TAT: variants seen among roughly 807,000 people sequenced by gnomAD.
The protein encoded by TAT is tyrosine aminotransferase.
In TAT, 35 loss-of-function variants were observed where a neutral mutation model predicts 53.6. The observed-to-expected ratio is 0.65, with a 90% CI of 0.50 to 0.87. The LOEUF is 0.87. TAT is among the 40% of genes least tolerant of loss of function. The probability of loss-of-function intolerance (pLI) is 0.00; values close to 1 mark genes in which losing one functional copy is unlikely to be tolerated. For missense variants in TAT, 525 were observed against 571.8 expected (o/e 0.92, Z 0.83); for synonymous variants, 197 against 206.5 (o/e 0.95, Z 0.39).
chr16:71,573,441 C>G, intron 4 of TAT, 98 bp downstream of exon 4: 1 of 1,129,082 alleles, frequency 8.9e-7, no homozygotes, highest in Non-Finnish European at 1.3e-6. Context: ...CTCAGCTTTT[C>G]CCCCTCTGAC....
Position 71,576,172 on chromosome 16 carries a change from C to A in TAT, c.235+9G>T. 2 of 1,613,448 alleles carry A rather than the reference C, an allele frequency of 1.2e-6. No homozygotes were observed. The highest frequency in any genetic ancestry group is 8.5e-7 in the Non-Finnish European group (1 of 1,179,638). On this transcript the variant is annotated intron_variant, in intron 2 of 11. Transcript: ENST00000355962. ...CAATGACAGCCCCTCAGTAGTGTCCCCAACTCACCAATGGACAGGGAAATC... is the reference window on the plus strand; with the variant it reads ...CAATGACAGCCCCTCAGTAGTGTCCACAACTCACCAATGGACAGGGAAATC...
At chr16:71,570,177 G>C (rs1050078856) in intron 9 of TAT, 92 bp downstream of exon 9, 6 of 1,589,516 alleles carry the variant, frequency 3.8e-6, no homozygotes, top group Non-Finnish European at 5.2e-6. Context: ...TTGGAACATG[G>C]CTCCAGAAAG....
intron 3 of TAT, among the ~76,000 whole-genome samples, chr16:71,574,323 G>A (rs2044222761): frequency 6.6e-6 from 1 of 152,116 alleles, no homozygotes; most frequent in African/African-American, 2.4e-5. Flanking sequence ...GCTCACGCCT[G>A]TAATCCCAGC....
At chr16:71,575,042 G>A (rs188416373) in intron 3 of TAT, 13 of 152,226 alleles carry the variant, frequency 8.5e-5, no homozygotes, top group Admixed American at 7.8e-4. Flanking sequence ...CTAATATTTG[G>A]ATGTTAAAGT....
In TAT at chr16:71,571,961, A is replaced by G. The variant is rs538722252; in HGVS notation, c.706+225T>C. On this transcript the variant is annotated intron_variant, in intron 6 of 11. Coordinates refer to ENST00000355962, the MANE Select transcript of TAT (RefSeq NM_000353.3). ...TGGGAGTGATGAAGAGGCAAGTACT[A>G]TTTCTTTTTCTCCTGGGAGTGATGA... The G allele has an allele frequency of 1.1e-5, 7 of 639,766 alleles. No homozygotes were observed. The East Asian group carries it at 1.9e-4, about 17-fold the overall frequency. 39.6% of individuals were successfully genotyped at this position (639,766 alleles called of 1,614,324 possible).
Position 71,568,066 on chromosome 16 carries a change from C to G in TAT, c.*78G>C, listed in dbSNP as rs546316374. 2 of 1,591,334 alleles carry G rather than the reference C, an allele frequency of 1.3e-6. No homozygotes were observed. The highest frequency in any genetic ancestry group is 3.3e-5 in the Admixed American group (2 of 59,968). ...TGAGGCCCCTCTCCCAGTAGGGCCA[C>G]CTGAGTCCCTGAGGAGCCGCAAGGC... On this transcript the variant is annotated 3_prime_UTR_variant, in exon 12 of 12. Coordinates refer to ENST00000355962, the MANE Select transcript of TAT (RefSeq NM_000353.3).
intron 8 of TAT, 75 bp downstream of exon 8, chr16:71,570,604 C>T: frequency 1.2e-6 from 2 of 1,604,682 alleles, no homozygotes; most frequent in South Asian, 1.1e-5. Flanking sequence ...AAGAAAAAAG[C>T]CTCCCTTGTC....
chr16:71,570,527 T>G (rs1317324604), intron 8 of TAT, 130 bp from the exon 9 acceptor site: 1 of 1,575,158 alleles, frequency 6.3e-7, no homozygotes. Context: ...CATTCTTAGA[T>G]CAGACCCTCT....
chr16:71,573,668 C>T (rs2044218426), intron 3 of TAT, 62 bp from the exon 4 acceptor site: 1 of 1,445,646 alleles, frequency 6.9e-7, no homozygotes, highest in South Asian at 1.2e-5. Context: ...CTCACTCTGT[C>T]ACCCGGACTT....
At chr16:71,573,417 A>G (rs2044216595) in intron 4 of TAT, 122 bp downstream of exon 4, 1 of 900,642 alleles carries the variant, frequency 1.1e-6, no homozygotes, top group Non-Finnish European at 1.8e-6. Flanking sequence ...TCTAATTGCT[A>G]AAGGGAAATT....
Position 71,568,789 on chromosome 16 carries a change from A to G in TAT, c.1146T>C (p.His382=), listed in dbSNP as rs141534499. 2.0e-5 allele frequency: 32 copies of G among 1,613,834 alleles called. No individual in the cohort carries two copies. The highest frequency in any genetic ancestry group is 2.1e-5 in the Non-Finnish European group (25 of 1,179,972). ...MYLMVGIEME[H]FPEFENDVEF... ...CCACATCGTTCTCAAATTCTGGGAA[A>G]TGTTCCATCTCAATTCCAACCTATA... Residue 382 remains histidine, a synonymous_variant, in exon 11 of 12, where the codon CAT becomes CAC. Coordinates refer to ENST00000355962, the MANE Select transcript of TAT (RefSeq NM_000353.3).
At chr16:71,572,130 C>G in intron 6 of TAT, 56 bp downstream of exon 6, 1 of 1,612,776 alleles carries the variant, frequency 6.2e-7, no homozygotes, top group Non-Finnish European at 8.5e-7. Context: ...TCATTTCACA[C>G]AACAGCTGAA....
chr16:71,568,609 C>T (rs2044179957), intron 11 of TAT, 102 bp downstream of exon 11: 1 of 924,436 alleles, frequency 1.1e-6, no homozygotes, highest in Non-Finnish European at 1.7e-6. Flanking sequence ...AATGAGAAGA[C>T]ATTTTGTTGG....
rs2044205082 is a variant in TAT at position 71,571,787 on chromosome 16, A to T, written c.707-129T>A. The T allele has an allele frequency of 4.2e-6, 4 of 942,094 alleles. No individual in the cohort carries two copies. The East Asian group carries it at 1.0e-4, about 24-fold the overall frequency. The allele number at this position is 942,094 out of a possible 1,614,324, so 58.4% of individuals were successfully genotyped here. ...ACAATTCTTAAAGAGAAAGACAAAA[A>T]GCACAAGCAAAGTGTGATTTGCATT... On this transcript the variant is annotated intron_variant, in intron 6 of 11. Transcript: ENST00000355962.
chr16:71,570,371 A>G lies in TAT; in HGVS notation c.939T>C (p.Ser313=). The change falls in exon 9 of 12, where the codon AGT becomes AGC. Residue 313 remains serine, a synonymous_variant. Coordinates refer to ENST00000355962, the MANE Select transcript of TAT (RefSeq NM_000353.3). The stretch of plus-strand genomic sequence containing the variant: ...TGGTACAGGGTCCCAAAATGCGCTG[A>G]CTCAGCTTCACCAGCCCATCTCGGA... ...NEIRDGLVKL[S]QRILGPCTIV... The G allele has an allele frequency of 6.2e-7, 1 of 1,614,028 alleles. No homozygotes were observed.
Position 71,568,271 on chromosome 16 carries a change from G to C in TAT, c.1238C>G (p.Pro413Arg). 1 of 1,614,084 alleles carries C rather than the reference G, an allele frequency of 6.2e-7. No individual in the cohort carries two copies. Among genetic ancestry groups the C allele is most frequent in the Non-Finnish European group, 8.5e-7 (1 of 1,180,022 alleles). Reference protein sequence around the residue: ...HCLPATCFEYPNFIRVVITVP... With the variant: ...HCLPATCFEYRNFIRVVITVP... ...TGTGATGACCACTCGGATGAAATTC[G>C]GGTACTCAAAGCACTGCAAAAAGAA... The change falls in exon 12 of 12, where the codon CCG (proline) becomes CGG (arginine). Residue 413 changes from proline to arginine, a missense_variant. Coordinates refer to ENST00000355962, the MANE Select transcript of TAT (RefSeq NM_000353.3).
Position 71,570,812 on chromosome 16 carries a change from T to C in TAT, c.779A>G (p.Tyr260Cys). 1 of 1,614,182 alleles carries C rather than the reference T, an allele frequency of 6.2e-7. No individual in the cohort carries two copies. The highest frequency in any genetic ancestry group is 8.5e-7 in the Non-Finnish European group (1 of 1,180,040). ...YGDMVFSDCK[Y>C]EPLATLSTDV... is the part of the protein sequence containing the mutation. ...GGTGCTGAGGGTGGCCAGTGGTTCA[T>C]ATTTGCAATCCGAAAACACCTGAGA... is the stretch of plus-strand genomic sequence containing the variant. The change falls in exon 8 of 12, where the codon TAT becomes TGT. Residue 260 changes from tyrosine (Y) to cysteine (C), a missense_variant. Physicochemically the swap from Tyr to Cys is radical, Grantham distance 194 (BLOSUM62 -2). Transcript: ENST00000355962.
At chr16:71,573,886 G>A (rs746818408) in intron 3 of TAT, among the ~76,000 whole-genome samples, 12 of 151,882 alleles carry the variant, frequency 7.9e-5, no homozygotes, top group Non-Finnish European at 1.8e-4. Flanking sequence ...TCCCTCTGTT[G>A]CCCAGGCTGA....
chr16:71,572,941 G>A (rs2044213160), intron 4 of TAT, among the ~76,000 whole-genome samples: 1 of 152,218 alleles, frequency 6.6e-6, no homozygotes, highest in African/African-American at 2.4e-5. Flanking sequence ...AGAGCATGCT[G>A]GCCTTGGACC....
Sources: allele counts gnomAD v4.1 joint callset (sites outside exome capture counted in the v4.1 genomes callset), GRCh38; gene constraint gnomAD v4.1.1; transcripts MANE v1.5; gene names NCBI Gene and HGNC (gene_info 2026-07-23, HGNC 2026-07-21).